The following ARHGAP5 variants were observed in gnomAD, a reference collection of about 807,000 sequenced individuals.
The protein encoded by ARHGAP5 is rho GTPase-activating protein 5.
A neutral mutation model predicts 116.6 loss-of-function variants in ARHGAP5; 23 were observed. The ratio of observed to expected loss-of-function variants is 0.20; its 90% CI spans 0.14 to 0.28. The LOEUF (loss-of-function observed/expected upper bound fraction) is 0.28, where lower values mean the gene tolerates loss of function less well. Among genes scored for constraint, ARHGAP5 ranks in the 10% least tolerant of loss-of-function variants. The probability of loss-of-function intolerance (pLI) is 1.00; values close to 1 mark genes in which losing one functional copy is unlikely to be tolerated. For synonymous variants in ARHGAP5, 574 were observed against 602.0 expected (o/e 0.95, Z 0.68); for missense variants, 1,405 against 1,774.8 (o/e 0.79, Z 3.74).
At chr14:32,139,516 T>G (rs565419724) in intron 3 of ARHGAP5, among the ~76,000 whole-genome samples, 8 of 152,112 alleles carry the variant, frequency 5.3e-5, no homozygotes, top group Non-Finnish European at 8.8e-5. Flanking sequence ...AGTATTCTCT[T>G]GTAACCCTTT....
At chr14:32,100,827 C>G (rs1878759165) in intron 2 of ARHGAP5, among the ~76,000 whole-genome samples, 1 of 152,118 alleles carries the variant, frequency 6.6e-6, no homozygotes, top group Non-Finnish European at 1.5e-5. Flanking sequence ...AAAAGCAGCC[C>G]TTTAAGAGAA....
chr14:32,153,750 C>A (rs1046451103), intron 6 of ARHGAP5, among the ~76,000 whole-genome samples: 1 of 151,886 alleles, frequency 6.6e-6, no homozygotes, highest in African/African-American at 2.4e-5. Context: ...GGGTTACAGG[C>A]GTGATCTACC....
chr14:32,153,475 G>GTT (rs760319450), intron 6 of ARHGAP5, among the ~76,000 whole-genome samples: 14 of 95,570 alleles, frequency 1.5e-4, no homozygotes, highest in East Asian at 3.4e-4. Flanking sequence ...TAGCAGCCAG[G>GTT]TTTTTTTTTT....
At chr14:32,134,785 G>T (rs965943532) in intron 3 of ARHGAP5, among the ~76,000 whole-genome samples, 13 of 152,126 alleles carry the variant, frequency 8.5e-5, no homozygotes, top group African/African-American at 2.9e-4. Context: ...TATCCTAAGT[G>T]TATCTTTAAG....
chr14:32,136,470 T>C (rs1335394560), intron 3 of ARHGAP5, among the ~76,000 whole-genome samples: 2 of 152,248 alleles, frequency 1.3e-5, no homozygotes. Flanking sequence ...GATTTATAAA[T>C]TCCATTATAT....
At chr14:32,139,257 G>GT (rs1880971681) in intron 3 of ARHGAP5, among the ~76,000 whole-genome samples, 1 of 151,988 alleles carries the variant, frequency 6.6e-6, no homozygotes, top group African/African-American at 2.4e-5. Context: ...GTTTCTCTTT[G>GT]TTTTTTAGAA....
chr14:32,085,301 T>C (rs1165593655), intron 1 of ARHGAP5, among the ~76,000 whole-genome samples: 2 of 152,014 alleles, frequency 1.3e-5, no homozygotes, highest in Non-Finnish European at 2.9e-5. Flanking sequence ...TTTTTAAATA[T>C]TAGCTGGGTG....
chr14:32,106,239 G>A (rs2139046823), intron 2 of ARHGAP5, among the ~76,000 whole-genome samples: 1 of 152,234 alleles, frequency 6.6e-6, no homozygotes, highest in South Asian at 2.1e-4. Flanking sequence ...CTCTGCCTCA[G>A]CCTCCTGAGT....
rs369146124 is a variant in ARHGAP5, at chr14:32,090,796, C to T, written c.127C>T (p.Arg43Cys). Residue 43 changes from arginine (R) to cysteine (C), a missense_variant, in exon 2 of 7, where the codon CGC becomes TGC. This residue lies in a region of ARHGAP5 where 190 missense variants were observed against 314.9 expected (regional missense o/e 0.60). Transcript: ENST00000345122. ...GKSCLCNRFVRSKADEYYPEH... is the reference protein window; with the variant it reads ...GKSCLCNRFVCSKADEYYPEH... ...GTCTTGTTTGTGCAATAGATTTGTACGCTCAAAAGCAGATGAATATTATCC... is the reference window on the plus strand; with the variant it reads ...GTCTTGTTTGTGCAATAGATTTGTATGCTCAAAAGCAGATGAATATTATCC... 40 of 1,613,454 alleles carry T rather than the reference C, an allele frequency of 2.5e-5. No individual in the cohort carries two copies. The highest frequency in any genetic ancestry group is 8.3e-5 in the Admixed American group (5 of 59,964).
At chr14:32,126,456 C>T (rs1880159563) in intron 3 of ARHGAP5, among the ~76,000 whole-genome samples, 2 of 152,266 alleles carry the variant, frequency 1.3e-5, no homozygotes, top group Non-Finnish European at 2.9e-5. Context: ...TGTGTTTTCT[C>T]TTCTTTTCAT....
intron 3 of ARHGAP5, among the ~76,000 whole-genome samples, chr14:32,140,124 T>TC (rs1555359063): frequency 6.9e-6 from 1 of 145,704 alleles, no homozygotes; most frequent in Non-Finnish European, 1.5e-5. Context: ...CCTTTTTTTT[T>TC]TTTTTTATTA....
In ARHGAP5 at chr14:32,101,595, A is replaced by T. The variant is rs547008361; in HGVS notation, c.3717+7209A>T. Among the ~76,000 whole-genome samples the T allele has an allele frequency of 3.3e-5, 5 of 151,802 alleles. No homozygotes were observed. In the South Asian group the frequency reaches 1.0e-3, roughly 32 times the overall value. On this transcript the variant is annotated intron_variant, in intron 2 of 6. Transcript: ENST00000345122. The stretch of plus-strand genomic sequence containing the variant: ...TAACCTCTTGACAGTCATTAGGTTG[A>T]CAGTGTTCACATCTGAGAGAACCTG...
chr14:32,109,751 TA>T (rs1314184050), intron 2 of ARHGAP5, among the ~76,000 whole-genome samples: 1 of 152,120 alleles, frequency 6.6e-6, no homozygotes, highest in African/African-American at 2.4e-5. Context: ...GCAAACTTTT[TA>T]AAAAAATGTG....
At chr14:32,085,014 A>G (rs1234615939) in intron 1 of ARHGAP5, among the ~76,000 whole-genome samples, 1 of 151,790 alleles carries the variant, frequency 6.6e-6, no homozygotes, top group Non-Finnish European at 1.5e-5. Context: ...TTAAAAAAAA[A>G]GACAGATTAT....
chr14:32,138,691 T>A (rs912296380), intron 3 of ARHGAP5, among the ~76,000 whole-genome samples: 3 of 152,200 alleles, frequency 2.0e-5, no homozygotes, highest in African/African-American at 7.2e-5. Context: ...TTGGATATTA[T>A]TTATTTATTT....
intron 2 of ARHGAP5, among the ~76,000 whole-genome samples, chr14:32,096,704 C>T (rs924066279): frequency 6.6e-6 from 1 of 152,086 alleles, no homozygotes; most frequent in African/African-American, 2.4e-5. Flanking sequence ...TAGTTCCAGA[C>T]AATTTTGCAG....
Position 32,091,879 on chromosome 14 carries a change from C to G in ARHGAP5, c.1210C>G (p.Leu404Val). The G allele has an allele frequency of 6.2e-7, 1 of 1,613,416 alleles. No homozygotes were observed. The highest frequency in any genetic ancestry group is 1.1e-5 in the South Asian group (1 of 91,022). ...KINDRRIPFD[L>V]LSTLEAEKVY... ...TAATGATAGGCGGATTCCATTTGACCTCCTGAGCACTTTAGAAGCTGAAAA... is the reference window on the plus strand; with the variant it reads ...TAATGATAGGCGGATTCCATTTGACGTCCTGAGCACTTTAGAAGCTGAAAA... The change falls in exon 2 of 7, where the codon CTC becomes GTC. Residue 404 changes from leucine to valine, a missense_variant. Coordinates refer to ENST00000345122, the MANE Select transcript of ARHGAP5 (RefSeq NM_001030055.2).
intron 2 of ARHGAP5, 106 bp from the exon 3 acceptor site, chr14:32,117,034 T>C: frequency 1.3e-6 from 1 of 797,946 alleles, no homozygotes; most frequent in Non-Finnish European, 1.8e-6. Context: ...AGGTTGGATG[T>C]GGCTATAAAA....
chr14:32,094,742 C>G (rs1009222799), intron 2 of ARHGAP5, among the ~76,000 whole-genome samples: 4 of 151,912 alleles, frequency 2.6e-5, no homozygotes, highest in Non-Finnish European at 4.4e-5. Flanking sequence ...TTTGACATAC[C>G]TGTCTCACTC....
Sources: allele counts gnomAD v4.1 joint callset (sites outside exome capture counted in the v4.1 genomes callset), GRCh38; gene constraint gnomAD v4.1.1; regional missense constraint gnomAD v4.1.1; transcripts MANE v1.5; gene names NCBI Gene and HGNC (gene_info 2026-07-23, HGNC 2026-07-21).